NXPH1: variants seen among roughly 807,000 people sequenced by gnomAD.
NXPH1 encodes neurexophilin-1.
A neutral mutation model predicts 23.7 loss-of-function variants in NXPH1; 5 were observed. The ratio of observed to expected loss-of-function variants is 0.21; its 90% CI spans 0.11 to 0.44. The LOEUF (loss-of-function observed/expected upper bound fraction) is 0.44. NXPH1 is among the 20% of genes least tolerant of loss of function. The pLI, the probability that NXPH1 is intolerant of heterozygous loss-of-function variation, is 0.99. For synonymous variants in NXPH1, 144 were observed against 122.2 expected (o/e 1.18, Z -1.18); for missense variants, 324 against 321.6 (o/e 1.01, Z -0.06).
chr7:8,455,731 T>G (rs958904771), intron 2 of NXPH1, among the ~76,000 whole-genome samples: 1 of 152,336 alleles, frequency 6.6e-6, no homozygotes, highest in African/African-American at 2.4e-5. Flanking sequence ...GCATCCTCTC[T>G]TCGTTGCTTC....
intron 2 of NXPH1, among the ~76,000 whole-genome samples, chr7:8,573,537 A>G (rs1818692282): frequency 6.6e-6 from 1 of 152,112 alleles, no homozygotes; most frequent in African/African-American, 2.4e-5. Context: ...GAACAGTTGG[A>G]ATATTTTGGA....
At chr7:8,489,758 C>T (rs943263253) in intron 2 of NXPH1, among the ~76,000 whole-genome samples, 1 of 152,094 alleles carries the variant, frequency 6.6e-6, no homozygotes, top group Admixed American at 6.6e-5. Context: ...CCTGCCTTAA[C>T]ATACCCTTAA....
chr7:8,442,857 G>T lies in NXPH1; in HGVS notation c.54+7090G>T, dbSNP rs868046620. On this transcript the variant is annotated intron_variant, in intron 2 of 2. Transcript: ENST00000405863. The surrounding 1 kb of genome is among the most constrained non-coding windows in gnomAD (Gnocchi z 4.6). Reference sequence around the variant, plus strand: ...ATTTTCGTCGACGCCACCAAGCTTCGGTGCTTTTGGGACAGCGGGCTGGAT... The same window carrying T: ...ATTTTCGTCGACGCCACCAAGCTTCTGTGCTTTTGGGACAGCGGGCTGGAT... 2.6e-5 allele frequency among the ~76,000 whole-genome samples: 4 copies of T among 152,222 alleles called. No homozygotes were observed. The highest frequency in any genetic ancestry group is 2.0e-4 in the Admixed American group (3 of 15,292).
At chr7:8,623,471 T>G (rs1819919407) in intron 2 of NXPH1, among the ~76,000 whole-genome samples, 1 of 151,856 alleles carries the variant, frequency 6.6e-6, no homozygotes, top group African/African-American at 2.4e-5. Flanking sequence ...ACTAAATACT[T>G]GAGAGAAAAA....
intron 2 of NXPH1, among the ~76,000 whole-genome samples, chr7:8,482,111 G>C (rs1272715813): frequency 6.6e-6 from 1 of 152,204 alleles, no homozygotes; most frequent in African/African-American, 2.4e-5. Context: ...CCAACAGAGT[G>C]AAACTGCTGA....
intron 2 of NXPH1, among the ~76,000 whole-genome samples, chr7:8,601,257 T>C (rs1459008959): frequency 6.6e-6 from 1 of 152,110 alleles, no homozygotes; most frequent in African/African-American, 2.4e-5. Flanking sequence ...TAAATCCCAT[T>C]AAAGGAAGTA....
intron 2 of NXPH1, among the ~76,000 whole-genome samples, chr7:8,703,835 C>A (rs66481552): frequency 0.32 from 48,230 of 151,896 alleles, 7,929 homozygotes; most frequent in East Asian, 0.43. Context: ...TAAAATTACA[C>A]CACCCTCCCT....
intron 2 of NXPH1, among the ~76,000 whole-genome samples, chr7:8,476,688 G>C (rs916890058): frequency 2.9e-5 from 4 of 139,916 alleles, no homozygotes; most frequent in East Asian, 2.3e-4. Context: ...TGATTAAAAG[G>C]CTTCATGTTA....
chr7:8,449,526 T>A (rs897923248), intron 2 of NXPH1, among the ~76,000 whole-genome samples: 3 of 152,206 alleles, frequency 2.0e-5, no homozygotes, highest in Non-Finnish European at 2.9e-5. Flanking sequence ...CATATTAATA[T>A]CTTTACTGTT....
intron 2 of NXPH1, among the ~76,000 whole-genome samples, chr7:8,460,371 A>G (rs1446158904): frequency 6.6e-6 from 1 of 152,146 alleles, no homozygotes; most frequent in Non-Finnish European, 1.5e-5. Context: ...TTCCTCGTCC[A>G]TTTAGTTGTT....
intron 2 of NXPH1, among the ~76,000 whole-genome samples, chr7:8,700,009 C>T (rs1029332296): frequency 1.3e-5 from 2 of 152,110 alleles, no homozygotes; most frequent in Non-Finnish European, 2.9e-5. Context: ...CCAGTGTGAA[C>T]CAGAGATACT....
chr7:8,446,637 T>TGAG lies in NXPH1; in HGVS notation c.54+10872_54+10874dup, dbSNP rs527527024. ...CTTCCTGTTTTCCACAGGCACAATT[T>TGAG]GAGGTCCTTATTTTTTTCTTCCTCC... On this transcript the variant is annotated intron_variant, in intron 2 of 2. Coordinates refer to ENST00000405863, the MANE Select transcript of NXPH1 (RefSeq NM_152745.3). Among the ~76,000 whole-genome samples the TGAG allele has an allele frequency of 1.7e-3, 266 of 152,338 alleles. 1 individual carries two copies. Among genetic ancestry groups the TGAG allele is most frequent in the African/African-American group, 6.0e-3 (251 of 41,576 alleles).
intron 2 of NXPH1, among the ~76,000 whole-genome samples, chr7:8,697,663 AT>A (rs2115187637): frequency 6.6e-6 from 1 of 152,326 alleles, no homozygotes; most frequent in South Asian, 2.1e-4. Flanking sequence ...GGGGAGGATC[AT>A]GATTTGAGGA....
intron 2 of NXPH1, among the ~76,000 whole-genome samples, chr7:8,514,694 G>T (rs1339376043): frequency 1.3e-5 from 2 of 152,168 alleles, no homozygotes; most frequent in Admixed American, 6.5e-5. Flanking sequence ...TGTAAGTTCT[G>T]TACATCTCTC....
chr7:8,603,336 A>C (rs1406461795), intron 2 of NXPH1, among the ~76,000 whole-genome samples: 1 of 152,198 alleles, frequency 6.6e-6, no homozygotes, highest in African/African-American at 2.4e-5. Context: ...TCCAGGTAGC[A>C]AGGTGTATTA....
chr7:8,742,764 T>C (rs1389531956), intron 2 of NXPH1, among the ~76,000 whole-genome samples: 3 of 152,042 alleles, frequency 2.0e-5, no homozygotes, highest in Non-Finnish European at 4.4e-5. Context: ...TAATTTCCTA[T>C]AATGTTTAAT....
intron 2 of NXPH1, among the ~76,000 whole-genome samples, chr7:8,596,272 C>A (rs4470929): frequency 0.14 from 20,933 of 151,968 alleles, 2,093 homozygotes; most frequent in African/African-American, 0.27. Flanking sequence ...TGTTCAGGAA[C>A]AGAATGACAG....
chr7:8,639,328 A>C (rs1820269776), intron 2 of NXPH1, among the ~76,000 whole-genome samples: 1 of 152,206 alleles, frequency 6.6e-6, no homozygotes, highest in Non-Finnish European at 1.5e-5. Context: ...TCTCCAGAGA[A>C]TGTGTAGTCA....
chr7:8,522,242 A>G (rs1817784593), intron 2 of NXPH1, among the ~76,000 whole-genome samples: 1 of 152,166 alleles, frequency 6.6e-6, no homozygotes, highest in Non-Finnish European at 1.5e-5. Flanking sequence ...CGTTCTTGTG[A>G]AATCCAGGAC....
Sources: allele counts gnomAD v4.1 joint callset (sites outside exome capture counted in the v4.1 genomes callset), GRCh38; gene constraint gnomAD v4.1.1; non-coding constraint Gnocchi (gnomAD v3.1); transcripts MANE v1.5; gene names NCBI Gene and HGNC (gene_info 2026-07-23, HGNC 2026-07-21).